Variants in GADL1 observed in about 807,000 individuals in gnomAD.
The protein encoded by GADL1 is acidic amino acid decarboxylase GADL1.
Under a neutral mutation model 69.5 loss-of-function variants are expected in GADL1, and 71 were observed. The ratio of observed to expected loss-of-function variants is 1.02; its 90% confidence interval spans 0.84 to 1.25. The LOEUF (loss-of-function observed/expected upper bound fraction) is 1.25. Among genes scored for constraint, GADL1 ranks in the 50% most tolerant of loss-of-function variants. The probability of loss-of-function intolerance (pLI) is 0.00; values close to 1 mark genes in which losing one functional copy is unlikely to be tolerated. For missense variants in GADL1, 737 were observed against 631.8 expected (o/e 1.17, Z -1.79); for synonymous variants, 254 against 214.4 (o/e 1.18, Z -1.62).
intron 1 of GADL1, among the ~76,000 whole-genome samples, chr3:30,874,909 G>C (rs571183690): frequency 6.6e-5 from 10 of 151,902 alleles, no homozygotes; most frequent in Non-Finnish European, 1.3e-4. Context: ...CAGCACCAAC[G>C]TACATAATTG....
chr3:30,765,682 A>T (rs972190825), intron 14 of GADL1, among the ~76,000 whole-genome samples: 14 of 152,110 alleles, frequency 9.2e-5, no homozygotes, highest in African/African-American at 3.4e-4. Context: ...CCACATTTTT[A>T]TTTTGCATGA....
intron 4 of GADL1, among the ~76,000 whole-genome samples, chr3:30,853,715 A>G (rs900343909): frequency 6.6e-6 from 1 of 152,026 alleles, no homozygotes; most frequent in Non-Finnish European, 1.5e-5. Context: ...TCTCCCTTTT[A>G]CTGTTATTTT....
At chr3:30,850,758 G>A (rs1331629819) in intron 5 of GADL1, 77 bp downstream of exon 5, 7 of 792,150 alleles carry the variant, frequency 8.8e-6, no homozygotes, top group Non-Finnish European at 1.5e-5. Context: ...GTATAAATCT[G>A]CAAGGAGTTG....
intron 11 of GADL1, among the ~76,000 whole-genome samples, chr3:30,804,784 G>GT (rs1312699961): frequency 2.6e-5 from 4 of 152,172 alleles, no homozygotes; most frequent in Non-Finnish European, 5.9e-5. Context: ...AACAAAGTCT[G>GT]TTTTTACTAC....
intron 11 of GADL1, among the ~76,000 whole-genome samples, chr3:30,805,885 G>A (rs538873123): frequency 2.6e-5 from 4 of 151,862 alleles, no homozygotes; most frequent in East Asian, 1.9e-4. Context: ...TAAGAATCAC[G>A]TGACCTAGAT....
intron 1 of GADL1, among the ~76,000 whole-genome samples, chr3:30,889,717 G>A (rs898758603): frequency 2.6e-5 from 4 of 152,026 alleles, no homozygotes; most frequent in African/African-American, 9.7e-5. Flanking sequence ...GGAAACTACT[G>A]AAATGTTCAA....
intron 14 of GADL1, among the ~76,000 whole-genome samples, chr3:30,730,173 C>G (rs1695434386): frequency 6.6e-6 from 1 of 152,126 alleles, no homozygotes; most frequent in Non-Finnish European, 1.5e-5. Flanking sequence ...AAGTAACTCT[C>G]TACTATGCTT....
At chr3:30,852,724 GA>G (rs1385019515) in intron 4 of GADL1, among the ~76,000 whole-genome samples, 3 of 152,046 alleles carry the variant, frequency 2.0e-5, no homozygotes, top group African/African-American at 7.2e-5. Flanking sequence ...TGGAGGAAAA[GA>G]TAAGATAGAA....
intron 14 of GADL1, among the ~76,000 whole-genome samples, chr3:30,743,233 C>A (rs554495105): frequency 2.0e-5 from 3 of 152,126 alleles, no homozygotes; most frequent in Non-Finnish European, 4.4e-5. Context: ...ATTTAACAGG[C>A]AACTTTCATC....
At chr3:30,875,477 T>G (rs78490546) in intron 1 of GADL1, among the ~76,000 whole-genome samples, 13,454 of 151,904 alleles carry the variant, frequency 0.089, 762 homozygotes, top group Middle Eastern at 0.13. Flanking sequence ...CAGACAAGAC[T>G]GTTCAGTTAT....
chr3:30,791,002 T>C (rs1402240773), intron 12 of GADL1, among the ~76,000 whole-genome samples: 1 of 152,102 alleles, frequency 6.6e-6, no homozygotes, highest in East Asian at 1.9e-4. Flanking sequence ...TTTACACTTT[T>C]TTTTTTTAAA....
intron 11 of GADL1, among the ~76,000 whole-genome samples, chr3:30,821,544 G>A (rs915511927): frequency 6.7e-6 from 1 of 148,918 alleles, no homozygotes. Flanking sequence ...ATCATAAGAA[G>A]TTAAAAAGAA....
At position 30,726,931 on chromosome 3, in the gene GADL1, A is replaced by G. The variant is rs1695375216; in HGVS notation, c.*1311T>C. ...GCTGAATCCCAGATTCTGTAATATA[A>G]ACCACTTAATAATCTATACTGACAT... is the stretch of plus-strand genomic sequence containing the variant. On this transcript the variant is annotated 3_prime_UTR_variant, in exon 15 of 15. Coordinates refer to ENST00000282538, the MANE Select transcript of GADL1 (RefSeq NM_207359.3). The G allele has an allele frequency of 1.3e-5, 2 of 152,450 alleles. No homozygotes were observed. The allele number at this position is 152,450 out of a possible 1,614,324, so 9.4% of individuals were successfully genotyped here.
intron 14 of GADL1, among the ~76,000 whole-genome samples, chr3:30,729,979 G>T (rs972837955): frequency 2.0e-4 from 30 of 152,152 alleles, no homozygotes; most frequent in Admixed American, 1.6e-3. Flanking sequence ...ATGTAGAAAA[G>T]GTGATGTTAG....
chr3:30,858,867 T>C (rs1698272097), intron 2 of GADL1, among the ~76,000 whole-genome samples: 1 of 151,832 alleles, frequency 6.6e-6, no homozygotes. Flanking sequence ...TGAATGGGCA[T>C]AGGAAGAGGA....
chr3:30,742,392 A>T (rs1417961980), intron 14 of GADL1, among the ~76,000 whole-genome samples: 1 of 151,820 alleles, frequency 6.6e-6, no homozygotes, highest in African/African-American at 2.4e-5. Flanking sequence ...TGATAAAATT[A>T]TTCTGACTAA....
chr3:30,785,409 A>T (rs1696768376), intron 13 of GADL1, among the ~76,000 whole-genome samples: 1 of 144,556 alleles, frequency 6.9e-6, no homozygotes. Context: ...CCCGAGACAG[A>T]GTTTCACTCT....
At chr3:30,862,602 G>A (rs1698337597) in intron 1 of GADL1, among the ~76,000 whole-genome samples, 1 of 151,954 alleles carries the variant, frequency 6.6e-6, no homozygotes, top group African/African-American at 2.4e-5. Context: ...TCAAGGAAGA[G>A]ATAATGCATT....
At chr3:30,847,594 CTT>C (rs1206485651) in intron 6 of GADL1, among the ~76,000 whole-genome samples, 1 of 152,172 alleles carries the variant, frequency 6.6e-6, no homozygotes, top group Non-Finnish European at 1.5e-5. Context: ...TAACCTGACT[CTT>C]TGAGTAGGGA....
Sources: gnomAD v4.1 joint callset for allele counts (sites outside exome capture counted in the v4.1 genomes callset) on GRCh38, gnomAD v4.1.1 for gene constraint, MANE v1.5 for transcripts, NCBI Gene and HGNC (gene_info 2026-07-23, HGNC 2026-07-21) for gene names.